The following TMEM170B variants were observed in gnomAD, a reference collection of about 807,000 sequenced individuals.
TMEM170B encodes transmembrane protein 170B.
A neutral mutation model predicts 13.0 loss-of-function variants in TMEM170B; 6 were observed. That is an observed-to-expected ratio of 0.46 (90% CI 0.25 to 0.91). TMEM170B has a LOEUF of 0.91. Ranked by LOEUF, TMEM170B falls within the 40% of genes least tolerant of loss-of-function variation. TMEM170B has a pLI of 0.17. For synonymous variants in TMEM170B, 61 were observed against 64.9 expected, an observed-to-expected ratio of 0.94 and a Z score of 0.29; for missense variants, 138 against 165.2, an observed-to-expected ratio of 0.84 and a Z score of 0.90.
intron 1 of TMEM170B, among the ~76,000 whole-genome samples, chr6:11,541,229 G>A: frequency 6.6e-6 from 1 of 152,180 alleles, no homozygotes; most frequent in Non-Finnish European, 1.5e-5. Flanking sequence ...CTTCTCTCTA[G>A]CTGTGCAAGT....
chr6:11,573,846 T>C (rs1183785570), intron 2 of TMEM170B, among the ~76,000 whole-genome samples: 2 of 152,162 alleles, frequency 1.3e-5, no homozygotes, highest in African/African-American at 4.8e-5. Flanking sequence ...TAATTTCTGA[T>C]AACAAAGGTG....
At chr6:11,551,970 A>T (rs1176697104) in intron 1 of TMEM170B, among the ~76,000 whole-genome samples, 1 of 151,732 alleles carries the variant, frequency 6.6e-6, no homozygotes, top group African/African-American at 2.4e-5. Flanking sequence ...TCCTTCTGTC[A>T]CTCCCTACCA....
In TMEM170B at chr6:11,538,034, TTCCTCCGTCCGCCG is replaced by T. The variant is rs1283258015; in HGVS notation, c.-238_-225del. 6.6e-6 allele frequency among the ~76,000 whole-genome samples: 1 copy of T among 150,486 alleles called. No homozygotes were observed. Among genetic ancestry groups the T allele is most frequent in the Non-Finnish European group, 1.5e-5 (1 of 67,344 alleles). ...GACGGCGCCCGGCCCCCTCCCCTCCTTCCTCCGTCCGCCGTCCTCAATGTCTCCCCGGCGGGGAG... is the reference window on the plus strand; with the variant it reads ...GACGGCGCCCGGCCCCCTCCCCTCCTTCCTCAATGTCTCCCCGGCGGGGAG... On this transcript the variant is annotated 5_prime_UTR_variant, in exon 1 of 3. Transcript: ENST00000379426.
chr6:11,539,055 T>C (rs1169209367), intron 1 of TMEM170B, among the ~76,000 whole-genome samples: 1 of 152,258 alleles, frequency 6.6e-6, no homozygotes, highest in Non-Finnish European at 1.5e-5. Context: ...CCTTCATTTA[T>C]TAAGGCTGTC....
chr6:11,571,175 CTTT>C (rs11292093), intron 2 of TMEM170B, among the ~76,000 whole-genome samples: 4 of 124,356 alleles, frequency 3.2e-5, no homozygotes, highest in Non-Finnish European at 3.7e-5. Context: ...CATATGCTTG[CTTT>C]TTTTTTTTTT....
Position 11,581,738 on chromosome 6 carries a change from C to G in TMEM170B, c.*6177C>G, listed in dbSNP as rs945155222. 2.6e-5 allele frequency: 4 copies of G among 152,180 alleles called. No individual in the cohort carries two copies. Among genetic ancestry groups the G allele is most frequent in the African/African-American group, 9.7e-5 (4 of 41,430 alleles). The allele number at this position is 152,180 out of a possible 1,614,324, so 9.4% of individuals were successfully genotyped here. On this transcript the variant is annotated 3_prime_UTR_variant, in exon 3 of 3. Coordinates refer to ENST00000379426, the MANE Select transcript of TMEM170B (RefSeq NM_001100829.3). Reference sequence around the variant, plus strand: ...AGAGCCTTGTTTAAAGGAACGTTAACTCGAGAGTACTACTGATGATGACGC... The same window carrying G: ...AGAGCCTTGTTTAAAGGAACGTTAAGTCGAGAGTACTACTGATGATGACGC...
At chr6:11,566,515 A>G (rs1759734786) in intron 2 of TMEM170B, among the ~76,000 whole-genome samples, 1 of 152,244 alleles carries the variant, frequency 6.6e-6, no homozygotes, top group South Asian at 2.1e-4. Flanking sequence ...AAATCCATAC[A>G]GGTCTGCAGC....
At chr6:11,542,728 T>C (rs1285397972) in intron 1 of TMEM170B, among the ~76,000 whole-genome samples, 1 of 152,186 alleles carries the variant, frequency 6.6e-6, no homozygotes, top group Non-Finnish European at 1.5e-5. Context: ...ACCTTAGTGA[T>C]TTGGTGTGTA....
intron 1 of TMEM170B, among the ~76,000 whole-genome samples, chr6:11,559,142 A>G (rs10046197): frequency 0.025 from 3,763 of 150,980 alleles, 149 homozygotes; most frequent in African/African-American, 0.085. Context: ...TGAGTTTCCT[A>G]TGATTTTTAC....
rs1054582890 is a variant in TMEM170B, at chr6:11,576,324, G to A, written c.*763G>A. The A allele has an allele frequency of 6.6e-5, 10 of 152,020 alleles. No individual in the cohort carries two copies. The highest frequency in any genetic ancestry group is 7.4e-5 in the Non-Finnish European group (5 of 67,996). The allele number at this position is 152,020 out of a possible 1,614,324, so 9.4% of individuals were successfully genotyped here. ...TTATACAAATTCAGAAACTTGAAGG[G>A]TCATACACATTGATTGTAGTTTGTG... On this transcript the variant is annotated 3_prime_UTR_variant, in exon 3 of 3. Coordinates refer to ENST00000379426, the MANE Select transcript of TMEM170B (RefSeq NM_001100829.3).
chr6:11,561,792 G>A (rs1759669007), intron 1 of TMEM170B, among the ~76,000 whole-genome samples: 1 of 151,940 alleles, frequency 6.6e-6, no homozygotes, highest in African/African-American at 2.4e-5. Flanking sequence ...GAATAATCCT[G>A]GACTGGTCAT....
chr6:11,554,832 A>G (rs1043361073), intron 1 of TMEM170B, among the ~76,000 whole-genome samples: 1 of 152,186 alleles, frequency 6.6e-6, no homozygotes, highest in Non-Finnish European at 1.5e-5. Context: ...GTAGGAAACT[A>G]TTAAGTATCT....
At chr6:11,547,723 T>G (rs903212546) in intron 1 of TMEM170B, among the ~76,000 whole-genome samples, 5 of 152,204 alleles carry the variant, frequency 3.3e-5, no homozygotes, top group African/African-American at 4.8e-5. Context: ...AGTTTTTATT[T>G]TCTTAATTTC....
chr6:11,563,024 A>G (rs984266992), intron 1 of TMEM170B, among the ~76,000 whole-genome samples: 4 of 152,186 alleles, frequency 2.6e-5, no homozygotes, highest in Admixed American at 2.6e-4. Context: ...AAAATTGGTA[A>G]AAACATAACT....
chr6:11,556,238 T>A (rs1390825897), intron 1 of TMEM170B, among the ~76,000 whole-genome samples: 1 of 152,188 alleles, frequency 6.6e-6, no homozygotes, highest in Admixed American at 6.5e-5. Flanking sequence ...GTTAGACCAA[T>A]AGTGAGAATT....
At chr6:11,573,252 T>C (rs113972696) in intron 2 of TMEM170B, among the ~76,000 whole-genome samples, 3 of 152,302 alleles carry the variant, frequency 2.0e-5, no homozygotes, top group African/African-American at 7.2e-5. Context: ...GTTTTTAACA[T>C]TTAGTTATTT....
At chr6:11,565,891 G>C in intron 2 of TMEM170B, 55 bp downstream of exon 2, 1 of 1,551,676 alleles carries the variant, frequency 6.4e-7, no homozygotes. Context: ...TTACCATTTT[G>C]GTAGCTGTGT....
rs1759893664 is a variant in TMEM170B at position 11,577,366 on chromosome 6, C to T, written c.*1805C>T. On this transcript the variant is annotated 3_prime_UTR_variant, in exon 3 of 3. Transcript: ENST00000379426. ...AGGCCTGAAATTGTTTTCATGTGTT[C>T]TTTATATTCCTGATGTTTTTACAAA... 6.6e-6 allele frequency: 1 copy of T among 151,968 alleles called. No individual in the cohort carries two copies. Among genetic ancestry groups the T allele is most frequent in the African/African-American group, 2.4e-5 (1 of 41,416 alleles). 9.4% of individuals were successfully genotyped at this position (151,968 alleles called of 1,614,324 possible).
At chr6:11,549,415 G>A (rs7451490) in intron 1 of TMEM170B, among the ~76,000 whole-genome samples, 1,603 of 152,294 alleles carry the variant, frequency 0.011, 28 homozygotes, top group African/African-American at 0.035. Context: ...TGTAATCCCA[G>A]CACTTTGGGA....
Sources: allele counts gnomAD v4.1 joint callset (sites outside exome capture counted in the v4.1 genomes callset), GRCh38; gene constraint gnomAD v4.1.1; transcripts MANE v1.5; gene names NCBI Gene and HGNC (gene_info 2026-07-23, HGNC 2026-07-21).